The following LRBA variants were observed in gnomAD, a reference collection of about 807,000 sequenced individuals.
LRBA encodes the protein LPS responsive beige-like anchor protein, also known as lipopolysaccharide-responsive and beige-like anchor protein.
In LRBA, 176 loss-of-function variants were observed where a neutral mutation model predicts 330.0. The ratio of observed to expected loss-of-function variants is 0.53; its 90% CI spans 0.47 to 0.60. The LOEUF (loss-of-function observed/expected upper bound fraction) is 0.60. LRBA is among the 20% of genes least tolerant of loss of function. LRBA has a pLI of 0.00. For synonymous variants in LRBA, 1,230 were observed against 1,193.0 expected (o/e 1.03, Z -0.64); for missense variants, 3,259 against 3,444.8 (o/e 0.95, Z 1.35).
intron 48 of LRBA, among the ~76,000 whole-genome samples, chr4:150,335,516 C>T (rs1287949839): frequency 3.6e-5 from 5 of 139,528 alleles, no homozygotes; most frequent in East Asian, 4.2e-4. Flanking sequence ...CACACATATA[C>T]GTATTATATA....
chr4:150,475,213 G>A (rs1018592772), intron 42 of LRBA, among the ~76,000 whole-genome samples: 7 of 152,026 alleles, frequency 4.6e-5, no homozygotes, highest in Admixed American at 6.6e-5. Context: ...TGTTCAGGAC[G>A]GAAATTGGCC....
chr4:150,867,902 A>T, intron 21 of LRBA, 39 bp from the exon 22 acceptor site: 2 of 1,483,022 alleles, frequency 1.3e-6, no homozygotes, highest in Non-Finnish European at 1.8e-6. Flanking sequence ...CTGAAGAAAA[A>T]AAAATTATCT....
In LRBA at chr4:150,571,660, T is replaced by TTTG. The variant is rs1769870147; in HGVS notation, c.6330+16387_6330+16388insCAA. Among the ~76,000 whole-genome samples, 3 of 144,652 alleles carry TTTG rather than the reference T, an allele frequency of 2.1e-5. No homozygotes were observed. In the East Asian group the frequency reaches 6.0e-4, roughly 29 times the overall value. The allele number at this position is 144,652 out of a possible 152,430, so 94.9% of individuals were successfully genotyped here. A position where few individuals can be genotyped will look rare whatever the true frequency, so the allele number is the denominator to read the frequency against. On this transcript the variant is annotated intron_variant, in intron 40 of 56. Coordinates refer to ENST00000651943, the MANE Select transcript of LRBA (RefSeq NM_001364905.1). ...CCTACTGGTTAGTTGTTTTTTTTTT[T>TTTG]TTTTTTTTTTTTTTGAGAAATTTTC...
chr4:150,532,178 A>G (rs1397973503), intron 40 of LRBA, among the ~76,000 whole-genome samples: 1 of 152,118 alleles, frequency 6.6e-6, no homozygotes, highest in Non-Finnish European at 1.5e-5. Context: ...ATACCACTTC[A>G]TTTTAGCAGA....
intron 36 of LRBA, among the ~76,000 whole-genome samples, chr4:150,720,254 A>G (rs1728754959): frequency 6.6e-6 from 1 of 152,192 alleles, no homozygotes; most frequent in Non-Finnish European, 1.5e-5. Flanking sequence ...AAATAAGTTA[A>G]TACATAAATT....
intron 37 of LRBA, among the ~76,000 whole-genome samples, chr4:150,609,924 A>T (rs1294631537): frequency 6.6e-6 from 1 of 152,188 alleles, no homozygotes; most frequent in East Asian, 1.9e-4. Flanking sequence ...AGATAACATG[A>T]TGAACTTGGA....
At chr4:150,828,032 T>A in intron 30 of LRBA, 148 bp downstream of exon 30, 2 of 639,968 alleles carry the variant, frequency 3.1e-6, no homozygotes, top group Non-Finnish European at 5.4e-6. Context: ...AAGTTTCTGA[T>A]CAACATAAGC....
chr4:150,451,233 A>T (rs560750862), intron 44 of LRBA, among the ~76,000 whole-genome samples: 6 of 152,204 alleles, frequency 3.9e-5, no homozygotes, highest in Non-Finnish European at 8.8e-5. Flanking sequence ...TTATAGAACA[A>T]TACTTAACAA....
intron 41 of LRBA, among the ~76,000 whole-genome samples, chr4:150,488,122 T>C (rs1192111397): frequency 6.6e-6 from 1 of 151,512 alleles, no homozygotes; most frequent in Non-Finnish European, 1.5e-5. Context: ...TTATGAGACA[T>C]GATAATAATA....
intron 41 of LRBA, among the ~76,000 whole-genome samples, chr4:150,489,263 A>AATATATATTATATATAC (rs1561250364): frequency 7.0e-5 from 5 of 71,644 alleles, no homozygotes; most frequent in African/African-American, 1.2e-4. Flanking sequence ...ATTATATATA[A>AATATATATTATATATAC]GAATATATAA....
intron 22 of LRBA, among the ~76,000 whole-genome samples, chr4:150,861,270 G>GGTGTGTGTGTGTGTGTGTGTGTGTGTGT (rs35115144): frequency 1.4e-4 from 19 of 137,810 alleles, no homozygotes; most frequent in African/African-American, 4.7e-4. Flanking sequence ...CCCAGCTAAT[G>GGTGTGTGTGTGTGTGTGTGTGTGTGTGT]GTGTGTGTGT....
intron 47 of LRBA, among the ~76,000 whole-genome samples, chr4:150,415,201 C>A (rs545791613): frequency 3.1e-4 from 47 of 152,266 alleles, no homozygotes; most frequent in African/African-American, 1.1e-3. Context: ...TTTGAATCAT[C>A]ATGTATATAT....
intron 36 of LRBA, among the ~76,000 whole-genome samples, chr4:150,703,482 C>T (rs1440355390): frequency 6.6e-6 from 1 of 152,048 alleles, no homozygotes; most frequent in Non-Finnish European, 1.5e-5. Flanking sequence ...CAAGCCTATA[C>T]CAGATGTTGA....
chr4:150,580,870 C>G (rs1284579129), intron 40 of LRBA: 1 of 152,728 alleles, frequency 6.5e-6, no homozygotes, highest in Non-Finnish European at 1.5e-5. Flanking sequence ...TAATCAATAA[C>G]AGGATAGTTA....
At chr4:150,309,655 A>G (rs980602864) in intron 52 of LRBA, among the ~76,000 whole-genome samples, 4 of 152,140 alleles carry the variant, frequency 2.6e-5, no homozygotes, top group African/African-American at 4.8e-5. Flanking sequence ...TTTGTCCCTT[A>G]GGGAGATGCA....
chr4:150,729,859 T>A (rs185208506), intron 36 of LRBA, among the ~76,000 whole-genome samples: 1 of 151,742 alleles, frequency 6.6e-6, no homozygotes, highest in Non-Finnish European at 1.5e-5. Context: ...AGGAAATGAA[T>A]TTTCAACAAA....
intron 28 of LRBA, 82 bp from the exon 29 acceptor site, chr4:150,832,058 A>G (rs1747282795): frequency 5.0e-6 from 4 of 792,836 alleles, no homozygotes; most frequent in Non-Finnish European, 7.5e-6. Flanking sequence ...TTAAATACAA[A>G]ACATGTTCAC....
chr4:150,699,059 G>A (rs946509472), intron 36 of LRBA, among the ~76,000 whole-genome samples: 9 of 152,130 alleles, frequency 5.9e-5, no homozygotes, highest in Admixed American at 2.6e-4. Flanking sequence ...TGATGGTGCC[G>A]TTGTCACTCA....
intron 47 of LRBA, among the ~76,000 whole-genome samples, chr4:150,414,386 T>C: frequency 6.6e-6 from 1 of 152,198 alleles, no homozygotes; most frequent in South Asian, 2.1e-4. Flanking sequence ...ATTAAAAAAA[T>C]GCAATAATTT....
Sources: allele counts gnomAD v4.1 joint callset (sites outside exome capture counted in the v4.1 genomes callset), GRCh38; gene constraint gnomAD v4.1.1; transcripts MANE v1.5; gene names NCBI Gene and HGNC (gene_info 2026-07-23, HGNC 2026-07-21).